The following SEL1L2 variants were observed in gnomAD, a reference collection of about 807,000 sequenced individuals.
SEL1L2 encodes SEL1L2 adaptor subunit of SYVN1 ubiquitin ligase, also known as protein sel-1 homolog 2.
A neutral mutation model predicts 98.8 loss-of-function variants in SEL1L2; 89 were observed. The observed-to-expected ratio is 0.90, with a 90% CI of 0.76 to 1.07. The LOEUF is 1.07. Among genes scored for constraint, SEL1L2 ranks in the 50% least tolerant of loss-of-function variants. The pLI is 0.00. For missense variants in SEL1L2, 788 were observed against 812.0 expected (o/e 0.97, Z 0.36); for synonymous variants, 262 against 278.5 (o/e 0.94, Z 0.59).
chr20:13,930,175 T>C (rs2049081156), intron 3 of SEL1L2, among the ~76,000 whole-genome samples: 1 of 152,216 alleles, frequency 6.6e-6, no homozygotes, highest in African/African-American at 2.4e-5. Flanking sequence ...ATCAATGGAC[T>C]CCCTTTCCTT....
At chr20:13,857,796 C>A (rs1989400653) in intron 18 of SEL1L2, among the ~76,000 whole-genome samples, 2 of 152,214 alleles carry the variant, frequency 1.3e-5, no homozygotes, top group Admixed American at 6.5e-5. Flanking sequence ...TAATTCCCTT[C>A]TGATCTAAAT....
intron 2 of SEL1L2, among the ~76,000 whole-genome samples, chr20:13,950,119 G>C (rs906105921): frequency 6.6e-6 from 1 of 152,144 alleles, no homozygotes; most frequent in Non-Finnish European, 1.5e-5. Context: ...ACCTAAAGTA[G>C]TCAAATTCAG....
intron 10 of SEL1L2, among the ~76,000 whole-genome samples, chr20:13,878,233 C>T (rs1327458650): frequency 1.3e-5 from 2 of 152,170 alleles, no homozygotes; most frequent in Admixed American, 1.3e-4. Flanking sequence ...TCTCGACCTT[C>T]CGGAAAGCCC....
intron 11 of SEL1L2, among the ~76,000 whole-genome samples, chr20:13,876,390 TTCTC>T (rs1189419537): frequency 6.8e-6 from 1 of 146,988 alleles, no homozygotes; most frequent in African/African-American, 2.5e-5. Flanking sequence ...TGTTTGTGTT[TTCTC>T]TCTCTCTCTC....
At chr20:13,900,528 G>A (rs900077421) in intron 5 of SEL1L2, among the ~76,000 whole-genome samples, 19 of 152,192 alleles carry the variant, frequency 1.2e-4, no homozygotes, top group African/African-American at 4.6e-4. Context: ...TGGATCCAGA[G>A]ATGGCTGAGT....
At chr20:13,926,292 G>A (rs1297117127) in intron 3 of SEL1L2, among the ~76,000 whole-genome samples, 4 of 151,878 alleles carry the variant, frequency 2.6e-5, no homozygotes, top group Non-Finnish European at 4.4e-5. Context: ...TCCAGCCTGG[G>A]CGACAGAGCG....
At chr20:13,979,467 A>G (rs932573218) in intron 1 of SEL1L2, among the ~76,000 whole-genome samples, 3 of 152,266 alleles carry the variant, frequency 2.0e-5, no homozygotes, top group African/African-American at 7.2e-5. Context: ...TGATTTGATC[A>G]TTACACATTA....
At position 13,869,426 on chromosome 20, in the gene SEL1L2, G is replaced by A. The variant is rs1024584010; in HGVS notation, c.1255+77C>T. 3 of 1,091,234 alleles carry A rather than the reference G, an allele frequency of 2.7e-6. No homozygotes were observed. The African/African-American group carries it at 4.7e-5, about 17-fold the overall frequency. 67.6% of individuals were successfully genotyped at this position (1,091,234 alleles called of 1,614,324 possible). Reference sequence around the variant, plus strand: ...TCTAAACCACTCACACCAAACCTTTGATGTTTGTTATAAAAGAAGCAGACT... The same window carrying A: ...TCTAAACCACTCACACCAAACCTTTAATGTTTGTTATAAAAGAAGCAGACT... On this transcript the variant is annotated intron_variant, in intron 14 of 19. Transcript: ENST00000284951.
intron 3 of SEL1L2, among the ~76,000 whole-genome samples, chr20:13,929,472 T>A (rs1185731633): frequency 6.8e-6 from 1 of 146,146 alleles, no homozygotes; most frequent in African/African-American, 2.5e-5. Context: ...TTGGATATCC[T>A]CTAATTGCCT....
intron 1 of SEL1L2, among the ~76,000 whole-genome samples, chr20:13,961,369 C>T (rs894289598): frequency 1.3e-5 from 2 of 152,194 alleles, no homozygotes; most frequent in African/African-American, 2.4e-5. Context: ...ATGCACACTA[C>T]AGCTTTGATT....
Position 13,926,173 on chromosome 20 carries a change from A to G in SEL1L2, c.283+5430T>C, listed in dbSNP as rs183686582. Among the ~76,000 whole-genome samples, 431 of 152,304 alleles carry G rather than the reference A, an allele frequency of 2.8e-3. 1 individual carries two copies. Among genetic ancestry groups the G allele is most frequent in the Admixed American group, 6.7e-3 (103 of 15,298 alleles). On this transcript the variant is annotated intron_variant, in intron 3 of 19. Transcript: ENST00000284951. ...CTCCTAAAAATACAAAAAATTAGCC[A>G]GGCGTGGTGCAGGCGCCCGTAGTCC... is the stretch of plus-strand genomic sequence containing the variant.
rs563434441 is a variant in SEL1L2 at position 13,964,257 on chromosome 20, C to G, written c.59-8126G>C. 2.1e-4 allele frequency among the ~76,000 whole-genome samples: 32 copies of G among 152,080 alleles called. 1 individual carries two copies. The Middle Eastern group carries it at 0.01, about 48-fold the overall frequency. ...TATCCCCCTATTTTGTCAAATATAT[C>G]TTTATTAAAAACCTGGGAGGCCAAG... On this transcript the variant is annotated intron_variant, in intron 1 of 19. Transcript: ENST00000284951.
At chr20:13,874,461 A>C (rs539898676) in intron 12 of SEL1L2, among the ~76,000 whole-genome samples, 1 of 152,234 alleles carries the variant, frequency 6.6e-6, no homozygotes, top group East Asian at 1.9e-4. Context: ...GGAGACCCAG[A>C]TCACTGCTGG....
intron 2 of SEL1L2, among the ~76,000 whole-genome samples, chr20:13,943,257 GA>G (rs1383321749): frequency 3.9e-5 from 6 of 152,040 alleles, no homozygotes; most frequent in Non-Finnish European, 7.4e-5. Context: ...AAATAAAAAG[GA>G]AAAAAGTGGC....
chr20:13,942,829 T>A (rs2049841425), intron 2 of SEL1L2, among the ~76,000 whole-genome samples: 1 of 152,216 alleles, frequency 6.6e-6, no homozygotes, highest in African/African-American at 2.4e-5. Context: ...TAAAATTAAC[T>A]GTTTTAGTAG....
intron 17 of SEL1L2, among the ~76,000 whole-genome samples, chr20:13,864,932 T>C (rs1990751322): frequency 6.6e-6 from 1 of 152,150 alleles, no homozygotes; most frequent in South Asian, 2.1e-4. Context: ...GACAGAGCCA[T>C]AGAAAAATTC....
At chr20:13,976,386 C>G (rs1274806955) in intron 1 of SEL1L2, among the ~76,000 whole-genome samples, 3 of 152,048 alleles carry the variant, frequency 2.0e-5, no homozygotes, top group Admixed American at 1.3e-4. Context: ...GAACAACATA[C>G]TATACTTTAG....
At chr20:13,938,829 G>A (rs1045414117) in intron 2 of SEL1L2, among the ~76,000 whole-genome samples, 1 of 151,878 alleles carries the variant, frequency 6.6e-6, no homozygotes, top group East Asian at 1.9e-4. Context: ...AATATTAACT[G>A]TTATTACTAT....
intron 2 of SEL1L2, among the ~76,000 whole-genome samples, chr20:13,932,325 C>A (rs1480514623): frequency 6.6e-6 from 1 of 151,708 alleles, no homozygotes; most frequent in African/African-American, 2.4e-5. Flanking sequence ...GTAGAAAAAG[C>A]TTTATGGAAG....
Sources: allele counts gnomAD v4.1 joint callset (sites outside exome capture counted in the v4.1 genomes callset), GRCh38; gene constraint gnomAD v4.1.1; transcripts MANE v1.5; gene names NCBI Gene and HGNC (gene_info 2026-07-23, HGNC 2026-07-21).